MMP14: variants seen among roughly 807,000 people sequenced by gnomAD.
MMP14 encodes matrix metalloproteinase-14.
MMP14 carries 13 observed loss-of-function variants against 64.8 expected under a neutral mutation model. That is an observed-to-expected ratio of 0.20 (90% CI 0.13 to 0.32). MMP14 has a LOEUF of 0.32. Among genes scored for constraint, MMP14 ranks in the 10% least tolerant of loss-of-function variants. The probability of loss-of-function intolerance (pLI) is 1.00; values close to 1 mark genes in which losing one functional copy is unlikely to be tolerated. For synonymous variants in MMP14, 322 were observed against 315.9 expected (o/e 1.02, Z -0.20); for missense variants, 594 against 783.8 (o/e 0.76, Z 2.89).
At chr14:22,838,413 T>C (rs947964924) in intron 1 of MMP14, among the ~76,000 whole-genome samples, 6 of 151,950 alleles carry the variant, frequency 3.9e-5, no homozygotes, top group Non-Finnish European at 5.9e-5. Context: ...AGAACCACCA[T>C]TTGCTTCTGG....
intron 1 of MMP14, 21 bp from the exon 2 acceptor site, chr14:22,841,470 G>T: frequency 6.2e-7 from 1 of 1,611,910 alleles, no homozygotes. Context: ...GACACTCTAA[G>T]CCATACCCCT....
In MMP14 at chr14:22,845,985, T is replaced by C. The variant is rs1359774474; in HGVS notation, c.1695T>C (p.His565=). ...TTGCAGTCTTCTTCTTCAGACGCCA[T>C]GGGACCCCCAGGCGACTGCTCTACT... The part of the protein sequence containing the change: ...VGLAVFFFRR[H]GTPRRLLYCQ... Residue 565 remains histidine (H), a synonymous_variant, in exon 10 of 10, where the codon CAT becomes CAC. Coordinates refer to ENST00000311852, the MANE Select transcript of MMP14 (RefSeq NM_004995.4). 9 of 1,556,470 alleles carry C rather than the reference T, an allele frequency of 5.8e-6. No homozygotes were observed. The highest frequency in any genetic ancestry group is 2.0e-4 in the Middle Eastern group (1 of 5,056).
At chr14:22,837,104 A>C (rs545800666) in intron 1 of MMP14, 179 bp downstream of exon 1, 9 of 694,188 alleles carry the variant, frequency 1.3e-5, no homozygotes, top group South Asian at 1.1e-4. Context: ...GATCGATCCA[A>C]CTTTTGCCCG....
At position 22,842,652 on chromosome 14, in the gene MMP14, A is replaced by G. The variant is rs762568699; in HGVS notation, c.623A>G (p.Asn208Ser). 42 of 1,613,826 alleles carry G rather than the reference A, an allele frequency of 2.6e-5. No individual in the cohort carries two copies. Among genetic ancestry groups the G allele is most frequent in the Non-Finnish European group, 3.4e-5 (40 of 1,179,884 alleles). The change falls in exon 4 of 10, where the codon AAC becomes AGC. Residue 208 changes from asparagine (N) to serine (S), a missense_variant. By Grantham distance (46) the Asn-to-Ser change is conservative. Transcript: ENST00000311852. This position sits in a 1 kb window ranked among gnomAD's most constrained non-coding sequence, Gnocchi z 5.3. ...GCCCATGCCTACTTCCCAGGCCCCA[A>G]CATTGGAGGAGACACCCACTTTGAC... ...FLAHAYFPGP[N>S]IGGDTHFDSA...
chr14:22,844,003 C>G, intron 6 of MMP14, 133 bp downstream of exon 6: 1 of 1,169,042 alleles, frequency 8.6e-7, no homozygotes, highest in Non-Finnish European at 1.2e-6. Context: ...CGAGAGCAGG[C>G]TGGCCAACAT....
At chr14:22,839,871 G>A (rs2039760625) in intron 1 of MMP14, among the ~76,000 whole-genome samples, 1 of 151,946 alleles carries the variant, frequency 6.6e-6, no homozygotes, top group Admixed American at 6.6e-5. Flanking sequence ...AAGCAAAGCT[G>A]GAGCAGGGAC....
chr14:22,836,773 G>C lies in MMP14; in HGVS notation c.-45G>C. On this transcript the variant is annotated 5_prime_UTR_variant, in exon 1 of 10. Transcript: ENST00000311852. Reference sequence around the variant, plus strand: ...CGGTGCGACCCCAGGGCGTGGGCCCGGCCGCGGAGCCCACACTGCCCGGCT... The same window carrying C: ...CGGTGCGACCCCAGGGCGTGGGCCCCGCCGCGGAGCCCACACTGCCCGGCT... 7.7e-7 allele frequency: 1 copy of C among 1,305,718 alleles called. No homozygotes were observed. The highest frequency in any genetic ancestry group is 2.5e-5 in the East Asian group (1 of 39,842). 80.9% of individuals were successfully genotyped at this position (1,305,718 alleles called of 1,614,324 possible).
Position 22,844,475 on chromosome 14 carries a change from C to T in MMP14, c.1116C>T (p.Tyr372=), listed in dbSNP as rs138999323. 976 of 1,614,136 alleles carry T rather than the reference C, an allele frequency of 6.0e-4. 4 individuals are homozygous for T. The African/African-American group carries it at 8.4e-3, about 14-fold the overall frequency. The part of the protein sequence containing the change: ...RGLPASINTA[Y]ERKDGKFVFF... ...TGCCTGCGTCCATCAACACTGCCTA[C>T]GAGAGGAAGGATGGCAAATTCGTCT... The change falls in exon 7 of 10, where the codon TAC becomes TAT. Residue 372 remains tyrosine (Y), a synonymous_variant. Coordinates refer to ENST00000311852, the MANE Select transcript of MMP14 (RefSeq NM_004995.4).
At position 22,842,502 on chromosome 14, in the gene MMP14, G is replaced by A. The variant is rs768295586; in HGVS notation, c.473G>A (p.Arg158His). 35 of 1,613,946 alleles carry A rather than the reference G, an allele frequency of 2.2e-5. No individual in the cohort carries two copies. The highest frequency in any genetic ancestry group is 6.7e-5 in the East Asian group (3 of 44,888). The change falls in exon 4 of 10, where the codon CGC becomes CAC. Residue 158 changes from arginine (R) to histidine (H), a missense_variant. Physicochemically the swap from Arg to His is conservative, Grantham distance 29. Around this residue, in one of 4 missense-constraint regions of MMP14, gnomAD observed 179 missense variants for 283.4 expected, o/e 0.63. Transcript: ENST00000311852. This position sits in a 1 kb window ranked among gnomAD's most constrained non-coding sequence, Gnocchi z 5.3. ...GTGTGGGAGAGTGCCACACCACTGCGCTTCCGCGAGGTGCCCTATGCCTAC... is the reference window on the plus strand; with the variant it reads ...GTGTGGGAGAGTGCCACACCACTGCACTTCCGCGAGGTGCCCTATGCCTAC... The part of the protein sequence containing the change: ...FRVWESATPL[R>H]FREVPYAYIR...
chr14:22,836,849 TCCTGCTCCC>T lies in MMP14; in HGVS notation c.40_48del (p.Pro14_Leu16del). 5.0e-6 allele frequency: 8 copies of T among 1,613,290 alleles called. No individual in the cohort carries two copies. Among genetic ancestry groups the T allele is most frequent in the South Asian group, 2.2e-5 (2 of 91,010 alleles). On this transcript the variant is annotated inframe_deletion, in exon 1 of 10. Coordinates refer to ENST00000311852, the MANE Select transcript of MMP14 (RefSeq NM_004995.4). ...CCCGCCCCAAGACCCCCCCGTTGTC[TCCTGCTCCC>T]CCTGCTCACGCTCGGCACCGCGCTC...
Position 22,846,244 on chromosome 14 carries a change from C to G in MMP14, c.*205C>G, listed in dbSNP as rs1353960432. The G allele has an allele frequency of 7.2e-6, 4 of 554,552 alleles. No individual in the cohort carries two copies. Among genetic ancestry groups the G allele is most frequent in the Non-Finnish European group, 1.3e-5 (4 of 319,214 alleles). 34.4% of individuals were successfully genotyped at this position (554,552 alleles called of 1,614,324 possible). A position where few individuals can be genotyped will look rare whatever the true frequency, so the allele number is the denominator to read the frequency against. ...GGCATTGCATCTTCCCTAGATAGGT[C>G]CCCTGAGGGCTGAGTGGGAGGGCGG... is the stretch of plus-strand genomic sequence containing the variant. On this transcript the variant is annotated 3_prime_UTR_variant, in exon 10 of 10. Coordinates refer to ENST00000311852, the MANE Select transcript of MMP14 (RefSeq NM_004995.4).
In MMP14 at chr14:22,841,424, G is replaced by T; in HGVS notation, c.109-67G>T. ...AAGCCAAGGCTGTATGCTGGGCATTGTCGGGGAGGTAGAGGCACCCTATGG... is the reference window on the plus strand; with the variant it reads ...AAGCCAAGGCTGTATGCTGGGCATTTTCGGGGAGGTAGAGGCACCCTATGG... On this transcript the variant is annotated intron_variant, in intron 1 of 9. Transcript: ENST00000311852. 5 of 1,584,398 alleles carry T rather than the reference G, an allele frequency of 3.2e-6. No individual in the cohort carries two copies. In the South Asian group the frequency reaches 3.4e-5, roughly 11 times the overall value.
intron 8 of MMP14, 150 bp from the exon 9 acceptor site, chr14:22,845,101 C>T (rs1006219647): frequency 3.1e-5 from 20 of 652,576 alleles, no homozygotes; most frequent in Non-Finnish European, 4.5e-5. Flanking sequence ...CACCTTCCGC[C>T]GCTTTCAGCA....
chr14:22,844,719 A>C lies in MMP14; in HGVS notation c.1240A>C (p.Lys414Gln), dbSNP rs2039799651. Residue 414 changes from lysine to glutamine, a missense_variant, in exon 8 of 10, where the codon AAG (lysine) becomes CAG (glutamine). This residue lies in a region of MMP14 where 364 missense variants were observed against 425.2 expected (regional missense o/e 0.86). Transcript: ENST00000311852. ...KELGRGLPTD[K>Q]IDAALFWMPN... is the part of the protein sequence containing the mutation. ...GCTGGGCCGAGGGCTGCCTACCGACAAGATTGATGCTGCTCTCTTCTGGAT... is the reference window on the plus strand; with the variant it reads ...GCTGGGCCGAGGGCTGCCTACCGACCAGATTGATGCTGCTCTCTTCTGGAT... 1.9e-6 allele frequency: 3 copies of C among 1,613,946 alleles called. No individual in the cohort carries two copies. In the African/African-American group the frequency reaches 4.0e-5, roughly 22 times the overall value.
intron 1 of MMP14, among the ~76,000 whole-genome samples, chr14:22,840,805 C>T (rs1172660361): frequency 3.3e-5 from 5 of 152,188 alleles, no homozygotes; most frequent in East Asian, 1.9e-4. Context: ...CCACCGCGCC[C>T]GGCCACTGCT....
Position 22,845,744 on chromosome 14 carries a change from A to G in MMP14, c.1454A>G (p.Lys485Arg). The change falls in exon 10 of 10, where the codon AAA becomes AGA. Residue 485 changes from lysine to arginine, a missense_variant. This residue lies in a region of MMP14 where 364 missense variants were observed against 425.2 expected (regional missense o/e 0.86). Coordinates refer to ENST00000311852, the MANE Select transcript of MMP14 (RefSeq NM_004995.4). ...TYFYKGNKYW[K>R]FNNQKLKVEP... Reference sequence around the variant, plus strand: ...TTCTACAAGGGGAACAAATACTGGAAATTCAACAACCAGAAGCTGAAGGTA... The same window carrying G: ...TTCTACAAGGGGAACAAATACTGGAGATTCAACAACCAGAAGCTGAAGGTA... 1 of 1,614,126 alleles carries G rather than the reference A, an allele frequency of 6.2e-7. No homozygotes were observed. Among genetic ancestry groups the G allele is most frequent in the Non-Finnish European group, 8.5e-7 (1 of 1,180,034 alleles).
At chr14:22,836,959 GC>G (rs1320893347) in intron 1 of MMP14, 34 bp downstream of exon 1, 1 of 1,562,634 alleles carries the variant, frequency 6.4e-7, no homozygotes, top group Non-Finnish European at 8.8e-7. Context: ...CCGGAGTCGC[GC>G]CCGCCGGGAG....
rs1230412648 is a variant in MMP14, at chr14:22,847,354, C to T, written c.*1315C>T. On this transcript the variant is annotated 3_prime_UTR_variant, in exon 10 of 10. Transcript: ENST00000311852. Reference sequence around the variant, plus strand: ...TCACCAGTGGCCTGCCCTCTCGCTCCCCCACCCAGCCCACCCATTGAAGTC... The same window carrying T: ...TCACCAGTGGCCTGCCCTCTCGCTCTCCCACCCAGCCCACCCATTGAAGTC... The T allele has an allele frequency of 1.3e-5, 2 of 150,986 alleles. No individual in the cohort carries two copies. The highest frequency in any genetic ancestry group is 3.0e-5 in the Non-Finnish European group (2 of 67,616). The allele number at this position is 150,986 out of a possible 1,614,324, so 9.4% of individuals were successfully genotyped here.
At chr14:22,844,316 C>G in intron 6 of MMP14, 55 bp from the exon 7 acceptor site, 1 of 1,603,024 alleles carries the variant, frequency 6.2e-7, no homozygotes, top group African/African-American at 1.3e-5. Context: ...GGGACTGAAC[C>G]AGAGACCTAG....
Sources: allele counts gnomAD v4.1 joint callset (sites outside exome capture counted in the v4.1 genomes callset), GRCh38; gene constraint gnomAD v4.1.1; regional missense constraint gnomAD v4.1.1; non-coding constraint Gnocchi (gnomAD v3.1); transcripts MANE v1.5; gene names NCBI Gene and HGNC (gene_info 2026-07-23, HGNC 2026-07-21).